The following PDE10A variants were observed in gnomAD, a reference collection of about 807,000 sequenced individuals.
PDE10A encodes cAMP and cAMP-inhibited cGMP 3',5'-cyclic phosphodiesterase 10A.
A neutral mutation model predicts 97.7 loss-of-function variants in PDE10A; 39 were observed. That is an observed-to-expected ratio of 0.40 (90% CI 0.31 to 0.52). The LOEUF is 0.52. Among genes scored for constraint, PDE10A ranks in the 20% least tolerant of loss-of-function variants. The probability of loss-of-function intolerance (pLI) is 0.56; values close to 1 mark genes in which losing one functional copy is unlikely to be tolerated. For missense variants in PDE10A, 731 were observed against 1,047.8 expected (o/e 0.70, Z 4.17); for synonymous variants, 371 against 376.8 (o/e 0.98, Z 0.18).
intron 1 of PDE10A, chr6:165,660,814 G>A (rs1790213089): frequency 6.6e-6 from 1 of 152,252 alleles, no homozygotes; most frequent in Non-Finnish European, 1.5e-5. Flanking sequence ...GCGGTGGACG[G>A]TGGCTCCGGA....
At chr6:165,373,294 C>T (rs1221717178) in intron 18 of PDE10A, among the ~76,000 whole-genome samples, 1 of 151,880 alleles carries the variant, frequency 6.6e-6, no homozygotes, top group Non-Finnish European at 1.5e-5. Context: ...GAACAGGCAA[C>T]CTACAAAATG....
At chr6:165,938,721 A>G (rs1401013398) in intron 1 of PDE10A, among the ~76,000 whole-genome samples, 1 of 152,072 alleles carries the variant, frequency 6.6e-6, no homozygotes, top group African/African-American at 2.4e-5. Context: ...TTCAGAGTCC[A>G]GTGAGCAACA....
intron 5 of PDE10A, among the ~76,000 whole-genome samples, chr6:165,437,014 A>G (rs1790068839): frequency 6.6e-6 from 1 of 152,116 alleles, no homozygotes; most frequent in South Asian, 2.1e-4. Context: ...ACTATAAGGA[A>G]GCAACTGTCC....
chr6:165,879,633 G>A (rs1356974636), intron 1 of PDE10A, among the ~76,000 whole-genome samples: 1 of 152,220 alleles, frequency 6.6e-6, no homozygotes, highest in Non-Finnish European at 1.5e-5. Context: ...AGTCGCTGAT[G>A]TAAAACGGTG....
At chr6:165,765,940 C>G (rs1777839635) in intron 1 of PDE10A, among the ~76,000 whole-genome samples, 1 of 152,216 alleles carries the variant, frequency 6.6e-6, no homozygotes, top group Non-Finnish European at 1.5e-5. Context: ...GAAAACTTTC[C>G]ATTTCTAGCT....
At chr6:165,697,829 G>T (rs927461213) in intron 1 of PDE10A, among the ~76,000 whole-genome samples, 5 of 152,180 alleles carry the variant, frequency 3.3e-5, no homozygotes, top group African/African-American at 1.2e-4. Flanking sequence ...CCACAGAACT[G>T]TGCAGTTAAA....
Position 165,484,455 on chromosome 6 carries a change from T to C in PDE10A, c.995-2112A>G, listed in dbSNP as rs552932877. Among the ~76,000 whole-genome samples the C allele has an allele frequency of 4.6e-5, 7 of 152,324 alleles. No homozygotes were observed. In the South Asian group the frequency reaches 8.3e-4, roughly 18 times the overall value. On this transcript the variant is annotated intron_variant, in intron 2 of 21. Transcript: ENST00000539869. The stretch of plus-strand genomic sequence containing the variant: ...GGTCAGCAGTGGCATTAGATTCTCA[T>C]AGAGCGCAAACCCTACTGCGAACTG...
intron 18 of PDE10A, among the ~76,000 whole-genome samples, chr6:165,372,525 C>T (rs112360761): frequency 0.4 from 48,877 of 121,772 alleles, 10,717 homozygotes; most frequent in African/African-American, 0.56. Flanking sequence ...TTACAAGGGA[C>T]GTGAAGGACC....
chr6:165,455,505 A>G lies in PDE10A; in HGVS notation c.1024-5143T>C, dbSNP rs6920097. On this transcript the variant is annotated intron_variant, in intron 3 of 21. Transcript: ENST00000539869. ...GAACAGGATAAATCAATTAATTACT[A>G]TGACCAAAAGCGGCAAAATAGAAAC... Among the ~76,000 whole-genome samples the G allele has an allele frequency of 3.8e-3, 577 of 152,344 alleles. 3 individuals are homozygous for G. Among genetic ancestry groups the G allele is most frequent in the African/African-American group, 0.013 (556 of 41,594 alleles).
chr6:165,392,843 T>C, intron 15 of PDE10A, 47 bp from the exon 16 acceptor site: 17 of 1,575,994 alleles, frequency 1.1e-5, no homozygotes, highest in Non-Finnish European at 1.5e-5. Context: ...AGAGAATCAC[T>C]ATGTTGTAGG....
chr6:165,705,372 C>T (rs9459488), intron 1 of PDE10A, among the ~76,000 whole-genome samples: 3,862 of 152,350 alleles, frequency 0.025, 59 homozygotes, highest in Middle Eastern at 0.065. Context: ...CCACTGGTGA[C>T]TTCTGAGACA....
At chr6:165,726,553 C>T in intron 1 of PDE10A, among the ~76,000 whole-genome samples, 1 of 150,690 alleles carries the variant, frequency 6.6e-6, no homozygotes, top group Admixed American at 6.6e-5. Context: ...CCACGATGCC[C>T]GAGGAGAGCC....
chr6:165,662,366 G>A lies in PDE10A; in HGVS notation c.446C>T (p.Ala149Val), dbSNP rs947771778. 3 of 162,370 alleles carry A rather than the reference G, an allele frequency of 1.8e-5. No individual in the cohort carries two copies. Among genetic ancestry groups the A allele is most frequent in the Non-Finnish European group, 2.6e-5 (2 of 78,010 alleles). The allele number at this position is 162,370 out of a possible 1,614,324, so 10.1% of individuals were successfully genotyped here. A position where few individuals can be genotyped will look rare whatever the true frequency, so the allele number is the denominator to read the frequency against. The change falls in exon 1 of 22, where the codon GCG (alanine) becomes GTG (valine). Residue 149 changes from alanine (A) to valine (V), a missense_variant. By Grantham distance (64) the Ala-to-Val change is moderately conservative. This residue lies in a region of PDE10A where 181 missense variants were observed against 159.1 expected (regional missense o/e 1.14). Transcript: ENST00000539869. ...GCCTCCTCCCGCCGCCGCCGCCGCC[G>A]CTGCGCCCTCCCTTCCTGGGAGACG... is the stretch of plus-strand genomic sequence containing the variant. ...PVRLPGREGA[A>V]AAAAAGGGGD...
At chr6:165,952,264 T>C (rs367923340) in intron 1 of PDE10A, among the ~76,000 whole-genome samples, 20 of 152,354 alleles carry the variant, frequency 1.3e-4, no homozygotes, top group Admixed American at 7.2e-4. Context: ...CACCTGTGCC[T>C]TTCTTCACTC....
chr6:165,818,993 G>A (rs925168869), intron 1 of PDE10A, among the ~76,000 whole-genome samples: 1 of 152,232 alleles, frequency 6.6e-6, no homozygotes, highest in South Asian at 2.1e-4. Context: ...AAAATGTAAG[G>A]GGTTGAACAC....
chr6:165,776,200 T>C (rs1381467705), intron 1 of PDE10A, among the ~76,000 whole-genome samples: 1 of 152,254 alleles, frequency 6.6e-6, no homozygotes, highest in African/African-American at 2.4e-5. Context: ...TGGTTAATTA[T>C]ATAAATCAAG....
chr6:165,840,301 G>A (rs1443585778), intron 1 of PDE10A, among the ~76,000 whole-genome samples: 3 of 151,966 alleles, frequency 2.0e-5, no homozygotes, highest in Non-Finnish European at 4.4e-5. Context: ...AAACTGGAGC[G>A]GGTTTCCTTG....
intron 2 of PDE10A, among the ~76,000 whole-genome samples, chr6:165,539,033 ACT>A (rs1783264799): frequency 1.3e-5 from 2 of 151,942 alleles, no homozygotes; most frequent in African/African-American, 2.4e-5. Context: ...CCTGTTTAAA[ACT>A]CTGCTTCGAA....
In PDE10A at chr6:165,418,881, T is replaced by A; in HGVS notation, c.1654-104A>T. The A allele has an allele frequency of 1.2e-6, 1 of 836,186 alleles. No homozygotes were observed. Among genetic ancestry groups the A allele is most frequent in the Middle Eastern group, 2.7e-4 (1 of 3,698 alleles). 51.8% of individuals were successfully genotyped at this position (836,186 alleles called of 1,614,324 possible). A position where few individuals can be genotyped will look rare whatever the true frequency, so the allele number is the denominator to read the frequency against. ...TATTAATTTCAGCTGTCCTATACTCTAATTGGTTGGTATTAGCATTATAAG... is the reference window on the plus strand; with the variant it reads ...TATTAATTTCAGCTGTCCTATACTCAAATTGGTTGGTATTAGCATTATAAG... On this transcript the variant is annotated intron_variant, in intron 10 of 21. Coordinates refer to ENST00000539869, the MANE Select transcript of PDE10A (RefSeq NM_001385079.1). The surrounding 1 kb of genome is among the most constrained non-coding windows in gnomAD (Gnocchi z 4.8).
Sources: allele counts gnomAD v4.1 joint callset (sites outside exome capture counted in the v4.1 genomes callset), GRCh38; gene constraint gnomAD v4.1.1; regional missense constraint gnomAD v4.1.1; non-coding constraint Gnocchi (gnomAD v3.1); transcripts MANE v1.5; gene names NCBI Gene and HGNC (gene_info 2026-07-23, HGNC 2026-07-21).